The following ARHGAP24 variants were observed in gnomAD, a reference collection of about 807,000 sequenced individuals.
The protein encoded by ARHGAP24 is Rho GTPase activating protein 24.
Under a neutral mutation model 76.4 loss-of-function variants are expected in ARHGAP24, and 50 were observed. The ratio of observed to expected loss-of-function variants is 0.65; its 90% CI spans 0.52 to 0.83. The LOEUF (loss-of-function observed/expected upper bound fraction) is 0.83. ARHGAP24 is among the 40% of genes least tolerant of loss of function. ARHGAP24 has a pLI of 0.00. For missense variants in ARHGAP24, 930 were observed against 914.2 expected (o/e 1.02, Z -0.22); for synonymous variants, 345 against 323.3 (o/e 1.07, Z -0.72).
chr4:85,555,340 G>A (rs138727846), intron 1 of ARHGAP24, among the ~76,000 whole-genome samples: 3 of 152,312 alleles, frequency 2.0e-5, no homozygotes, highest in African/African-American at 7.2e-5. Context: ...GGAGGGTTGA[G>A]GCTTTGTGCA....
At chr4:85,801,909 C>T (rs1174460253) in intron 3 of ARHGAP24, among the ~76,000 whole-genome samples, 1 of 152,204 alleles carries the variant, frequency 6.6e-6, no homozygotes, top group Non-Finnish European at 1.5e-5. Flanking sequence ...TTTATTTGGG[C>T]TGGATTACTT....
At chr4:85,773,737 G>T (rs113062074) in intron 3 of ARHGAP24, among the ~76,000 whole-genome samples, 3,844 of 152,170 alleles carry the variant, frequency 0.025, 160 homozygotes, top group African/African-American at 0.088. Context: ...ATTCAAGGAA[G>T]AAGAAAAGAA....
At chr4:85,550,394 C>T (rs141424654) in intron 1 of ARHGAP24, among the ~76,000 whole-genome samples, 3 of 152,040 alleles carry the variant, frequency 2.0e-5, no homozygotes, top group Non-Finnish European at 2.9e-5. Flanking sequence ...TATTCTGTTC[C>T]GTTGGTCTAT....
intron 1 of ARHGAP24, 81 bp downstream of exon 1, chr4:85,475,640 TGCGGGGGGCGGGGAGGGG>T (rs1722551619): frequency 3.3e-5 from 1 of 29,928 alleles, no homozygotes; most frequent in Non-Finnish European, 8.2e-5. Context: ...GGGAGGGGGC[TGCGGGGGGCGGGGAGGGG>T]GCTGCGGGGG....
At chr4:85,892,164 T>A (rs1733912915) in intron 3 of ARHGAP24, among the ~76,000 whole-genome samples, 1 of 62,920 alleles carries the variant, frequency 1.6e-5, no homozygotes, top group African/African-American at 6.9e-5. Flanking sequence ...GTTTGTAGTA[T>A]TCTCTGATGG....
intron 3 of ARHGAP24, among the ~76,000 whole-genome samples, chr4:85,912,161 C>G (rs970477127): frequency 1.3e-5 from 2 of 152,160 alleles, no homozygotes; most frequent in African/African-American, 4.8e-5. Context: ...AAGAAAATAT[C>G]CCCAAGTATC....
Position 85,542,233 on chromosome 4 carries a change from G to A in ARHGAP24, c.-20-28289G>A, listed in dbSNP as rs375086092. On this transcript the variant is annotated intron_variant, in intron 1 of 9. Transcript: ENST00000395184. ...GTATGCTTTCCTAATCTTATGTAGCGTATAAGTAAGAATATCCTTGGGAAA... is the reference window on the plus strand; with the variant it reads ...GTATGCTTTCCTAATCTTATGTAGCATATAAGTAAGAATATCCTTGGGAAA... Among the ~76,000 whole-genome samples, 68 of 152,190 alleles carry A rather than the reference G, an allele frequency of 4.5e-4. No individual in the cohort carries two copies. The East Asian group carries it at 9.5e-3, about 21-fold the overall frequency.
At chr4:85,686,114 G>A (rs1399908679) in intron 2 of ARHGAP24, among the ~76,000 whole-genome samples, 1 of 152,208 alleles carries the variant, frequency 6.6e-6, no homozygotes, top group South Asian at 2.1e-4. Context: ...CTCTCCCAGA[G>A]AAGGTCCCAA....
intron 8 of ARHGAP24, among the ~76,000 whole-genome samples, chr4:85,984,962 T>C (rs929221459): frequency 3.3e-5 from 5 of 151,958 alleles, no homozygotes; most frequent in Non-Finnish European, 7.4e-5. Context: ...GCTGGGTTTA[T>C]AGGCACCTGC....
At chr4:85,652,962 A>G (rs1722001540) in intron 2 of ARHGAP24, among the ~76,000 whole-genome samples, 1 of 152,044 alleles carries the variant, frequency 6.6e-6, no homozygotes, top group African/African-American at 2.4e-5. Context: ...TTCAGTGTTG[A>G]CTTTCCTTGA....
chr4:85,492,701 AT>A (rs919660630), intron 1 of ARHGAP24, among the ~76,000 whole-genome samples: 2 of 152,190 alleles, frequency 1.3e-5, no homozygotes, highest in Non-Finnish European at 1.5e-5. Context: ...TCTATATTTT[AT>A]TTTTTTAACT....
chr4:85,656,669 T>A (rs555477020), intron 2 of ARHGAP24, among the ~76,000 whole-genome samples: 1 of 152,096 alleles, frequency 6.6e-6, no homozygotes, highest in East Asian at 1.9e-4. Context: ...GGTTTTACCA[T>A]GTTGGCCAGG....
chr4:85,909,215 A>G (rs1216940708), intron 3 of ARHGAP24, among the ~76,000 whole-genome samples: 7 of 152,146 alleles, frequency 4.6e-5, no homozygotes, highest in Non-Finnish European at 1.0e-4. Flanking sequence ...TCTACCATAG[A>G]GAAACACAGT....
At chr4:85,970,757 G>A (rs1738923534) in intron 5 of ARHGAP24, among the ~76,000 whole-genome samples, 1 of 152,120 alleles carries the variant, frequency 6.6e-6, no homozygotes, top group African/African-American at 2.4e-5. Flanking sequence ...CACAGCTTGG[G>A]AGTGAGGTAA....
At chr4:85,750,181 A>T (rs922231118) in intron 3 of ARHGAP24, among the ~76,000 whole-genome samples, 1 of 152,220 alleles carries the variant, frequency 6.6e-6, no homozygotes, top group East Asian at 1.9e-4. Context: ...CAGTTAATGT[A>T]TAAGTGTCAG....
chr4:85,506,468 A>C (rs1185630000), intron 1 of ARHGAP24, among the ~76,000 whole-genome samples: 1 of 152,128 alleles, frequency 6.6e-6, no homozygotes, highest in African/African-American at 2.4e-5. Context: ...CCCCTCCCCC[A>C]GCCAGGCTGC....
chr4:85,750,095 A>T (rs1312519369), intron 3 of ARHGAP24, among the ~76,000 whole-genome samples: 1 of 152,156 alleles, frequency 6.6e-6, no homozygotes, highest in Non-Finnish European at 1.5e-5. Flanking sequence ...ATTAAACATG[A>T]TGAAATGTCA....
At chr4:85,750,168 C>T (rs1726204383) in intron 3 of ARHGAP24, among the ~76,000 whole-genome samples, 1 of 152,070 alleles carries the variant, frequency 6.6e-6, no homozygotes, top group Non-Finnish European at 1.5e-5. Flanking sequence ...TATAAATAAT[C>T]GTCAGTTAAT....
intron 3 of ARHGAP24, among the ~76,000 whole-genome samples, chr4:85,845,487 T>G (rs1253950279): frequency 6.6e-6 from 1 of 152,202 alleles, no homozygotes; most frequent in Admixed American, 6.5e-5. Flanking sequence ...ATGTATATAT[T>G]AATATAAATC....
Sources: gnomAD v4.1 joint callset for allele counts (sites outside exome capture counted in the v4.1 genomes callset) on GRCh38, gnomAD v4.1.1 for gene constraint, MANE v1.5 for transcripts, NCBI Gene and HGNC (gene_info 2026-07-23, HGNC 2026-07-21) for gene names.